Variants in PLOD2 observed in about 807,000 individuals in gnomAD.
The protein encoded by PLOD2 is procollagen-lysine,2-oxoglutarate 5-dioxygenase 2.
PLOD2 carries 65 observed loss-of-function variants against 101.0 expected under a neutral mutation model. The ratio of observed to expected loss-of-function variants is 0.64; its 90% CI spans 0.53 to 0.79. The LOEUF is 0.79. Among genes scored for constraint, PLOD2 ranks in the 30% least tolerant of loss-of-function variants. The probability of loss-of-function intolerance (pLI) is 0.00; values close to 1 mark genes in which losing one functional copy is unlikely to be tolerated. For synonymous variants in PLOD2, 314 were observed against 302.9 expected (o/e 1.04, Z -0.38); for missense variants, 909 against 914.6 (o/e 0.99, Z 0.08).
Position 146,070,212 on chromosome 3 carries a change from A to C in PLOD2, c.*505T>G, listed in dbSNP as rs1326399345. 6.6e-6 allele frequency: 1 copy of C among 152,502 alleles called. No individual in the cohort carries two copies. The highest frequency in any genetic ancestry group is 1.5e-5 in the Non-Finnish European group (1 of 68,374). 9.4% of individuals were successfully genotyped at this position (152,502 alleles called of 1,614,324 possible). On this transcript the variant is annotated 3_prime_UTR_variant, in exon 20 of 20. Transcript: ENST00000282903. ...TGTGTTCCCTTAGTAACTACTGTAA[A>C]TAAGACCTGCATAGGTGTTCAGAAA...
chr3:146,097,240 C>T (rs966503413), intron 7 of PLOD2, among the ~76,000 whole-genome samples: 27 of 151,144 alleles, frequency 1.8e-4, no homozygotes, highest in African/African-American at 6.6e-4. Context: ...TCTGCCGGGC[C>T]GCCCCTACTG....
At chr3:146,083,159 T>G (rs1259644893) in intron 11 of PLOD2, among the ~76,000 whole-genome samples, 1 of 152,208 alleles carries the variant, frequency 6.6e-6, no homozygotes, top group Non-Finnish European at 1.5e-5. Flanking sequence ...AACCAACAAA[T>G]TTGGGAAACC....
chr3:146,080,684 C>A (rs979731418), intron 12 of PLOD2, among the ~76,000 whole-genome samples: 4 of 152,062 alleles, frequency 2.6e-5, no homozygotes, highest in Non-Finnish European at 5.9e-5. Context: ...ACAAATTTTC[C>A]ATTCTACTTT....
At chr3:146,119,320 A>G (rs932106925) in intron 3 of PLOD2, among the ~76,000 whole-genome samples, 7 of 152,156 alleles carry the variant, frequency 4.6e-5, no homozygotes, top group African/African-American at 1.7e-4. Context: ...TTTCCTGTAC[A>G]GCCTGTGAAA....
intron 1 of PLOD2, among the ~76,000 whole-genome samples, chr3:146,131,914 C>A (rs146878175): frequency 0.011 from 1,513 of 142,176 alleles, 15 homozygotes; most frequent in Middle Eastern, 0.046. Flanking sequence ...GAGTAATTCA[C>A]GTCACAATTT....
At chr3:146,122,811 G>A (rs1373967020) in intron 2 of PLOD2, among the ~76,000 whole-genome samples, 1 of 152,084 alleles carries the variant, frequency 6.6e-6, no homozygotes, top group Non-Finnish European at 1.5e-5. Context: ...TTCATATAGT[G>A]ACTTAACAGC....
At chr3:146,092,546 G>C (rs1937010416) in intron 7 of PLOD2, among the ~76,000 whole-genome samples, 1 of 152,052 alleles carries the variant, frequency 6.6e-6, no homozygotes, top group African/African-American at 2.4e-5. Context: ...ACAAATCCTA[G>C]TGACAGTAAG....
At chr3:146,111,995 GA>G (rs1187815535) in intron 3 of PLOD2, among the ~76,000 whole-genome samples, 1 of 152,088 alleles carries the variant, frequency 6.6e-6, no homozygotes. Flanking sequence ...TGGAGATGGG[GA>G]AAAATAGCTT....
At chr3:146,144,436 G>A (rs766885567) in intron 1 of PLOD2, among the ~76,000 whole-genome samples, 1 of 152,126 alleles carries the variant, frequency 6.6e-6, no homozygotes, top group Non-Finnish European at 1.5e-5. Flanking sequence ...GCTCGTGGAA[G>A]TGAAAATCCA....
rs756587095 is a variant in PLOD2 at position 146,071,424 on chromosome 3, C to G, written c.1849-1G>C. On this transcript the variant is annotated splice_acceptor_variant, in intron 17 of 19. Transcript: ENST00000282903. LOFTEE classifies it high-confidence loss of function. ...CATAACCACCAGATATACGGCTATC[C>G]TAGAAACAACATTAATGACATAATA... is the stretch of plus-strand genomic sequence containing the variant. 6.2e-7 allele frequency: 1 copy of G among 1,610,842 alleles called. No homozygotes were observed. The highest frequency in any genetic ancestry group is 1.3e-5 in the African/African-American group (1 of 74,710).
At chr3:146,077,074 G>A in intron 14 of PLOD2, 179 bp from the exon 15 acceptor site, 1 of 1,277,114 alleles carries the variant, frequency 7.8e-7, no homozygotes, top group African/African-American at 1.5e-5. Context: ...TTTTGATTAT[G>A]AATTCAGACA....
chr3:146,148,338 GCACACACACA>G (rs71158220), intron 1 of PLOD2, among the ~76,000 whole-genome samples: 2 of 146,448 alleles, frequency 1.4e-5, no homozygotes, highest in Non-Finnish European at 3.0e-5. Flanking sequence ...AGGCAGGCAC[GCACACACACA>G]CACACACACA....
At chr3:146,088,180 C>A (rs748630792) in intron 9 of PLOD2, among the ~76,000 whole-genome samples, 1 of 151,616 alleles carries the variant, frequency 6.6e-6, no homozygotes, top group Non-Finnish European at 1.5e-5. Flanking sequence ...CAAAACAGTA[C>A]TCTATCTGGA....
chr3:146,152,382 T>C (rs1424166163), intron 1 of PLOD2, among the ~76,000 whole-genome samples: 5 of 151,372 alleles, frequency 3.3e-5, no homozygotes, highest in African/African-American at 9.7e-5. Flanking sequence ...ATTGCACCAC[T>C]CCACTCCAGT....
chr3:146,131,780 T>C (rs1363751519), intron 1 of PLOD2, among the ~76,000 whole-genome samples: 1 of 152,218 alleles, frequency 6.6e-6, no homozygotes, highest in Non-Finnish European at 1.5e-5. Flanking sequence ...TGTTAAGTAC[T>C]GAGTCACCAA....
At chr3:146,071,514 A>G in intron 17 of PLOD2, 91 bp from the exon 18 acceptor site, 1 of 1,198,008 alleles carries the variant, frequency 8.3e-7, no homozygotes, top group South Asian at 1.2e-5. Context: ...AGATCATAAT[A>G]GACAATAAAA....
intron 1 of PLOD2, among the ~76,000 whole-genome samples, chr3:146,142,961 G>A (rs16857921): frequency 0.023 from 3,562 of 152,110 alleles, 129 homozygotes; most frequent in African/African-American, 0.081. Flanking sequence ...CCATGCTTTG[G>A]TTATAACACA....
intron 16 of PLOD2, 32 bp from the exon 17 acceptor site, chr3:146,072,697 A>ATT: frequency 7.7e-7 from 1 of 1,295,794 alleles, no homozygotes; most frequent in Non-Finnish European, 1.1e-6. Flanking sequence ...TAGAAGACAT[A>ATT]ATAACTTCTG....
Position 146,094,212 on chromosome 3 carries a change from G to A in PLOD2, c.778-2311C>T, listed in dbSNP as rs564303655. Among the ~76,000 whole-genome samples the A allele has an allele frequency of 1.4e-4, 21 of 152,198 alleles. No individual in the cohort carries two copies. The South Asian group carries it at 3.7e-3, about 27-fold the overall frequency. On this transcript the variant is annotated intron_variant, in intron 7 of 19. Coordinates refer to ENST00000282903, the MANE Select transcript of PLOD2 (RefSeq NM_182943.3). ...TTTTCATTGACAGAGAAACTTTTCC[G>A]CCCAAATCCTTTCCTCTTTCTTCCT... is the stretch of plus-strand genomic sequence containing the variant.
Sources: allele counts gnomAD v4.1 joint callset (sites outside exome capture counted in the v4.1 genomes callset), GRCh38; gene constraint gnomAD v4.1.1; transcripts MANE v1.5; gene names NCBI Gene and HGNC (gene_info 2026-07-23, HGNC 2026-07-21).